ZNF607: variants seen among roughly 807,000 people sequenced by gnomAD.
ZNF607 encodes zinc finger protein 607.
In ZNF607, 5 loss-of-function variants were observed where a neutral mutation model predicts 12.8. That is an observed-to-expected ratio of 0.39 (90% CI 0.20 to 0.82). The LOEUF is 0.82. Ranked by LOEUF, ZNF607 falls within the 40% of genes least tolerant of loss-of-function variation. The pLI is 0.39. For synonymous variants in ZNF607, 287 were observed against 276.2 expected, an observed-to-expected ratio of 1.04 and a Z score of -0.39; for missense variants, 851 against 859.2, an observed-to-expected ratio of 0.99 and a Z score of 0.12.
At chr19:37,714,340 A>ACAACAACAGCAGCAG (rs546794308) in intron 1 of ZNF607, among the ~76,000 whole-genome samples, 1 of 148,210 alleles carries the variant, frequency 6.7e-6, no homozygotes, top group Non-Finnish European at 1.5e-5. Context: ...AACAACAACA[A>ACAACAACAGCAGCAG]CAGCAGCAGC....
rs754847802 is a variant in ZNF607 at position 37,699,883 on chromosome 19, C to T, written c.248G>A (p.Arg83Lys). 6.3e-7 allele frequency: 1 copy of T among 1,585,926 alleles called. No individual in the cohort carries two copies. Among genetic ancestry groups the T allele is most frequent in the South Asian group, 1.2e-5 (1 of 86,052 alleles). The change falls in exon 5 of 5, where the codon AGA becomes AAA. Residue 83 changes from arginine to lysine, a missense_variant. Physicochemically the swap from Arg to Lys is conservative, Grantham distance 26 (BLOSUM62 2). Transcript: ENST00000355202. Reference protein sequence around the residue: ...TRGECTDLDSRCEIISDGKMQ... With the variant: ...TRGECTDLDSKCEIISDGKMQ... ...TTTCCCATCGCTGATTATTTCACAT[C>T]TTGAATCCAAATCTAGAAGACATAA...
chr19:37,710,235 C>G (rs552820605), intron 2 of ZNF607, among the ~76,000 whole-genome samples: 7 of 151,650 alleles, frequency 4.6e-5, no homozygotes, highest in Admixed American at 4.6e-4. Context: ...GAGGCCAAGG[C>G]GGGCAGATTA....
In ZNF607 at chr19:37,719,660, A is replaced by G. The variant is rs1053254353; in HGVS notation, c.-466T>C. On this transcript the variant is annotated 5_prime_UTR_variant, in exon 1 of 5. Coordinates refer to ENST00000355202, the MANE Select transcript of ZNF607 (RefSeq NM_032689.5). ...TCAGGACCGCAGGTACCGGTGAGAA[A>G]TGGAGTCCAGAATCCTAAAAACCTA... is the stretch of plus-strand genomic sequence containing the variant. 5 of 152,352 alleles carry G rather than the reference A, an allele frequency of 3.3e-5. No individual in the cohort carries two copies. Among genetic ancestry groups the G allele is most frequent in the Non-Finnish European group, 5.9e-5 (4 of 68,134 alleles). The allele number at this position is 152,352 out of a possible 1,614,324, so 9.4% of individuals were successfully genotyped here.
At chr19:37,703,908 G>A (rs976324609) in intron 4 of ZNF607, among the ~76,000 whole-genome samples, 1 of 152,164 alleles carries the variant, frequency 6.6e-6, no homozygotes, top group Non-Finnish European at 1.5e-5. Context: ...AGGCCGAGGT[G>A]GGCAGATCAT....
intron 1 of ZNF607, among the ~76,000 whole-genome samples, chr19:37,716,037 G>A (rs768688948): frequency 6.6e-6 from 1 of 152,096 alleles, no homozygotes; most frequent in Non-Finnish European, 1.5e-5. Context: ...ACCTCTGAAG[G>A]AGGTCCCTGG....
At chr19:37,707,459 G>A (rs2045094555) in intron 4 of ZNF607, among the ~76,000 whole-genome samples, 1 of 152,028 alleles carries the variant, frequency 6.6e-6, no homozygotes, top group Admixed American at 6.6e-5. Flanking sequence ...CAAAAAAAAG[G>A]TTGGGCAGGG....
At chr19:37,707,889 C>T in intron 4 of ZNF607, 25 bp downstream of exon 4, 1 of 1,579,948 alleles carries the variant, frequency 6.3e-7, no homozygotes, top group Non-Finnish European at 8.6e-7. Flanking sequence ...ACAAAAATGG[C>T]TGCCCCTGCC....
chr19:37,714,340 A>ACAACAG (rs546794308), intron 1 of ZNF607, among the ~76,000 whole-genome samples: 19 of 148,332 alleles, frequency 1.3e-4, no homozygotes, highest in South Asian at 2.2e-4. Context: ...AACAACAACA[A>ACAACAG]CAGCAGCAGC....
Position 37,697,268 on chromosome 19 carries a change from T to A in ZNF607, c.*772A>T. The A allele has an allele frequency of 1.3e-6, 1 of 797,458 alleles. No homozygotes were observed. The highest frequency in any genetic ancestry group is 2.4e-5 in the East Asian group (1 of 40,842). The allele number at this position is 797,458 out of a possible 1,614,324, so 49.4% of individuals were successfully genotyped here. A position where few individuals can be genotyped will look rare whatever the true frequency, so the allele number is the denominator to read the frequency against. On this transcript the variant is annotated 3_prime_UTR_variant, in exon 5 of 5. Transcript: ENST00000355202. ...TCCCTTCCCCTACCACAATGTTCTGTACTCCACGGAATTGGTCAAAGATGG... is the reference window on the plus strand; with the variant it reads ...TCCCTTCCCCTACCACAATGTTCTGAACTCCACGGAATTGGTCAAAGATGG...
chr19:37,700,539 G>A (rs1479323033), intron 4 of ZNF607, among the ~76,000 whole-genome samples: 2 of 152,148 alleles, frequency 1.3e-5, no homozygotes, highest in Admixed American at 6.5e-5. Flanking sequence ...AGCATATGTC[G>A]ATGTGATATA....
chr19:37,700,714 T>A (rs935249455), intron 4 of ZNF607, among the ~76,000 whole-genome samples: 1 of 151,980 alleles, frequency 6.6e-6, no homozygotes, highest in African/African-American at 2.4e-5. Flanking sequence ...CATTTAGGAA[T>A]TTAAGAGCAA....
Position 37,698,404 on chromosome 19 carries a change from A to C in ZNF607, c.1727T>G (p.Leu576Arg). ...CGKAFRHATS[L>R]IYHDRTHAGE... ...AGCATGAGTTCGGTCATGATATATG[A>C]GGCTTGTGGCATGACGAAAGGCCTT... Residue 576 changes from leucine to arginine, a missense_variant, in exon 5 of 5, where the codon CTC becomes CGC. Coordinates refer to ENST00000355202, the MANE Select transcript of ZNF607 (RefSeq NM_032689.5). The C allele has an allele frequency of 6.2e-7, 1 of 1,614,160 alleles. No homozygotes were observed. Among genetic ancestry groups the C allele is most frequent in the Non-Finnish European group, 8.5e-7 (1 of 1,180,000 alleles).
Position 37,698,336 on chromosome 19 carries a change from TAA to T in ZNF607, c.1793_1794del (p.Phe598Ter), listed in dbSNP as rs752774104. 3.8e-5 allele frequency: 61 copies of T among 1,614,180 alleles called. No homozygotes were observed. In the South Asian group the frequency reaches 6.5e-4, roughly 17 times the overall value. ...SYECKECGET[F>X]SHASHLIIHE... ...TGAATAATAAGATGTGAAGCATGACTAAAAGTTTCCCCACATTCTTTACATTC... is the reference window on the plus strand; with the variant it reads ...TGAATAATAAGATGTGAAGCATGACTAAGTTTCCCCACATTCTTTACATTC... On this transcript the variant is annotated frameshift_variant, in exon 5 of 5. Coordinates refer to ENST00000355202, the MANE Select transcript of ZNF607 (RefSeq NM_032689.5). LOFTEE classifies it low-confidence loss of function (END_TRUNC).
At position 37,697,943 on chromosome 19, in the gene ZNF607, AGC is replaced by A; in HGVS notation, c.*95_*96del. 1 of 1,236,258 alleles carries A rather than the reference AGC, an allele frequency of 8.1e-7. No homozygotes were observed. The highest frequency in any genetic ancestry group is 1.1e-6 in the Non-Finnish European group (1 of 895,742). The allele number at this position is 1,236,258 out of a possible 1,614,324, so 76.6% of individuals were successfully genotyped here. On this transcript the variant is annotated 3_prime_UTR_variant, in exon 5 of 5. Coordinates refer to ENST00000355202, the MANE Select transcript of ZNF607 (RefSeq NM_032689.5). ...TAATAAAAACTGAACTGTATCTCAA[AGC>A]CATTCCACATTGTCTTCATTCAAAT...
intron 4 of ZNF607, among the ~76,000 whole-genome samples, chr19:37,707,000 A>AT (rs1408022756): frequency 2.0e-5 from 3 of 152,076 alleles, no homozygotes; most frequent in Admixed American, 6.6e-5. Context: ...AATTTTTCAT[A>AT]TTTTTTGTAG....
intron 4 of ZNF607, among the ~76,000 whole-genome samples, chr19:37,703,542 C>A (rs1599662989): frequency 6.6e-6 from 1 of 151,948 alleles, no homozygotes; most frequent in Admixed American, 6.6e-5. Flanking sequence ...AAATTGGAAC[C>A]CTTATGCACT....
Position 37,699,598 on chromosome 19 carries a change from A to G in ZNF607, c.533T>C (p.Val178Ala). The change falls in exon 5 of 5, where the codon GTC (valine) becomes GCC (alanine). Residue 178 changes from valine to alanine, a missense_variant. Transcript: ENST00000355202. ...KPYECEECGKVFSYPANLAQH... is the reference protein window; with the variant it reads ...KPYECEECGKAFSYPANLAQH... The stretch of plus-strand genomic sequence containing the variant: ...AGCAAGGTTTGCAGGATAACTGAAG[A>G]CCTTCCCACATTCTTCACATTCATA... 2.5e-6 allele frequency: 4 copies of G among 1,613,838 alleles called. No individual in the cohort carries two copies. Among genetic ancestry groups the G allele is most frequent in the Non-Finnish European group, 3.4e-6 (4 of 1,179,926 alleles).
Position 37,699,541 on chromosome 19 carries a change from T to C in ZNF607, c.590A>G (p.Tyr197Cys), listed in dbSNP as rs199598374. 16 of 1,614,046 alleles carry C rather than the reference T, an allele frequency of 9.9e-6. No individual in the cohort carries two copies. Among genetic ancestry groups the C allele is most frequent in the African/African-American group, 1.3e-5 (1 of 75,040 alleles). Residue 197 changes from tyrosine (Y) to cysteine (C), a missense_variant, in exon 5 of 5, where the codon TAT becomes TGT. By Grantham distance (194) the Tyr-to-Cys change is radical. Transcript: ENST00000355202. The part of the protein sequence containing the change: ...QHGKVHVEKP[Y>C]ECKECGEAFR... ...AGCTTCCCCACACTCTTTACATTCA[T>C]AGGGTTTCTCAACATGAACTTTCCC... is the stretch of plus-strand genomic sequence containing the variant.
In ZNF607 at chr19:37,709,752, T is replaced by C; in HGVS notation, c.80A>G (p.Gln27Arg). The change falls in exon 3 of 5, where the codon CAG becomes CGG. Residue 27 changes from glutamine to arginine, a missense_variant. Gln to Arg is a conservative substitution (Grantham distance 43, BLOSUM62 1). Coordinates refer to ENST00000355202, the MANE Select transcript of ZNF607 (RefSeq NM_032689.5). ...HQEWEYLSLV[Q>R]KTLYQEVMME... ...CATCACCTCCTGGTACAAGGTCTTCTGAACCAGGCTGAGATATTCCCACTC... is the reference window on the plus strand; with the variant it reads ...CATCACCTCCTGGTACAAGGTCTTCCGAACCAGGCTGAGATATTCCCACTC... 6.2e-7 allele frequency: 1 copy of C among 1,614,156 alleles called. No individual in the cohort carries two copies. Among genetic ancestry groups the C allele is most frequent in the Non-Finnish European group, 8.5e-7 (1 of 1,179,996 alleles).
Sources: gnomAD v4.1 joint callset for allele counts (sites outside exome capture counted in the v4.1 genomes callset) on GRCh38, gnomAD v4.1.1 for gene constraint, MANE v1.5 for transcripts, NCBI Gene and HGNC (gene_info 2026-07-23, HGNC 2026-07-21) for gene names.